DGLUCY: variants seen among roughly 807,000 people sequenced by gnomAD.
DGLUCY encodes the protein D-glutamate cyclase, mitochondrial.
In DGLUCY, 58 loss-of-function variants were observed where a neutral mutation model predicts 58.5. The ratio of observed to expected loss-of-function variants is 0.99; its 90% CI spans 0.80 to 1.23. The LOEUF (loss-of-function observed/expected upper bound fraction) is 1.23. Among genes scored for constraint, DGLUCY ranks in the 50% most tolerant of loss-of-function variants. DGLUCY has a pLI of 0.00. For missense variants in DGLUCY, 779 were observed against 784.7 expected (o/e 0.99, Z 0.09); for synonymous variants, 325 against 314.1 (o/e 1.03, Z -0.37).
rs562478142 is a variant in DGLUCY at position 91,184,718 on chromosome 14, C to T, written c.934+3329C>T. Among the ~76,000 whole-genome samples the T allele has an allele frequency of 4.0e-4, 60 of 151,570 alleles. 1 individual carries two copies. The Middle Eastern group carries it at 0.017, about 43-fold the overall frequency. On this transcript the variant is annotated intron_variant, in intron 8 of 13. Coordinates refer to ENST00000256324, the MANE Select transcript of DGLUCY (RefSeq NM_001102368.3). ...TGATTCTCTCCCCTGGGCCTAGGAGCAAAAGTTGTCTTCCAATGACAGGGG... is the reference window on the plus strand; with the variant it reads ...TGATTCTCTCCCCTGGGCCTAGGAGTAAAAGTTGTCTTCCAATGACAGGGG...
At chr14:91,081,028 C>T (rs1053751130) in intron 1 of DGLUCY, among the ~76,000 whole-genome samples, 1 of 152,236 alleles carries the variant, frequency 6.6e-6, no homozygotes, top group East Asian at 1.9e-4. Flanking sequence ...GTGACGAAAC[C>T]CTGTCTCTAC....
At chr14:91,061,948 G>A (rs1269376426) in intron 1 of DGLUCY, among the ~76,000 whole-genome samples, 1 of 152,200 alleles carries the variant, frequency 6.6e-6, no homozygotes, top group Non-Finnish European at 1.5e-5. Context: ...GAAACTTAAA[G>A]ATGTACAGTT....
In DGLUCY at chr14:91,160,417, TAAAAAAAAAAA is replaced by T. The variant is rs34785372; in HGVS notation, c.103+34_103+44del. The T allele has an allele frequency of 1.9e-5, 11 of 579,466 alleles. No homozygotes were observed. The highest frequency in any genetic ancestry group is 2.8e-5 in the Non-Finnish European group (11 of 393,544). The allele number at this position is 579,466 out of a possible 1,614,324, so 35.9% of individuals were successfully genotyped here. ...CTGGAGGTAAGTGGTGCCAGATAGT[TAAAAAAAAAAA>T]AAAAAAAAAAAAAGAAAGTTCCTGG... On this transcript the variant is annotated intron_variant, in intron 3 of 13. Transcript: ENST00000256324.
At chr14:91,104,358 G>A (rs187955586), upstream of DGLUCY, among the ~76,000 whole-genome samples, 6 of 152,140 alleles carry the variant, frequency 3.9e-5, no homozygotes, top group Non-Finnish European at 5.9e-5. Flanking sequence ...CACCGCGCCC[G>A]GCCGAGAACA....
chr14:91,087,659 T>TA (rs1014667510), intron 1 of DGLUCY, among the ~76,000 whole-genome samples: 3 of 152,164 alleles, frequency 2.0e-5, no homozygotes, highest in East Asian at 1.9e-4. Context: ...TTTGCCTTTT[T>TA]AAAAAAATTC....
At chr14:91,080,748 A>C (rs780734817) in intron 1 of DGLUCY, among the ~76,000 whole-genome samples, 3 of 78,166 alleles carry the variant, frequency 3.8e-5, no homozygotes, top group African/African-American at 1.6e-4. Flanking sequence ...TCAACTATCT[A>C]TATGAAACCA....
chr14:91,087,567 G>A (rs1163370855), intron 1 of DGLUCY, among the ~76,000 whole-genome samples: 1 of 152,198 alleles, frequency 6.6e-6, no homozygotes, highest in East Asian at 1.9e-4. Flanking sequence ...GTCATAGCCT[G>A]TTCCTCTTCC....
At chr14:91,121,847 A>G (rs1436283930) in intron 1 of DGLUCY, among the ~76,000 whole-genome samples, 1 of 152,110 alleles carries the variant, frequency 6.6e-6, no homozygotes. Context: ...ACAGTATAGC[A>G]TGGGGAATTA....
chr14:91,104,172 C>T (rs1366062431), upstream of DGLUCY, among the ~76,000 whole-genome samples: 2 of 147,334 alleles, frequency 1.4e-5, no homozygotes, highest in East Asian at 2.0e-4. Context: ...ACACCATTCT[C>T]CTGCCTCAGC....
At chr14:91,071,148 C>T (rs920313449) in intron 1 of DGLUCY, among the ~76,000 whole-genome samples, 12 of 150,934 alleles carry the variant, frequency 8.0e-5, no homozygotes, top group Non-Finnish European at 1.5e-4. Flanking sequence ...CTGGCAAACA[C>T]GGTGAAACCC....
At chr14:91,096,694 G>A (rs2044400838) in intron 1 of DGLUCY, among the ~76,000 whole-genome samples, 1 of 152,056 alleles carries the variant, frequency 6.6e-6, no homozygotes, top group African/African-American at 2.4e-5. Flanking sequence ...CACCCCCCTG[G>A]CTTGTTCCTC....
chr14:91,119,358 T>C (rs2045209756), intron 1 of DGLUCY, among the ~76,000 whole-genome samples: 1 of 152,088 alleles, frequency 6.6e-6, no homozygotes, highest in South Asian at 2.1e-4. Flanking sequence ...CTTTCACTCA[T>C]ATTCCCTGAC....
upstream of DGLUCY, among the ~76,000 whole-genome samples, chr14:91,107,588 T>C (rs1470283681): frequency 6.6e-6 from 1 of 151,936 alleles, no homozygotes; most frequent in African/African-American, 2.4e-5. Flanking sequence ...TAAGAGTGAG[T>C]GTGAAGAGAT....
At chr14:91,215,847 G>A (rs563542622) in intron 13 of DGLUCY, 1 of 983,200 alleles carries the variant, frequency 1.0e-6, no homozygotes, top group Non-Finnish European at 1.4e-6. Context: ...AAATGGGGGT[G>A]GTCAGCATTG....
rs35639010 is a variant in DGLUCY, at chr14:91,185,271, A to ATTTTTTTTTTT, written c.935-3620_935-3610dup. Among the ~76,000 whole-genome samples, 44 of 38,376 alleles carry ATTTTTTTTTTT rather than the reference A, an allele frequency of 1.1e-3. 7 individuals carry two copies. The highest frequency in any genetic ancestry group is 1.2e-3 in the African/African-American group (13 of 10,464). 25.2% of individuals were successfully genotyped at this position (38,376 alleles called of 152,430 possible). ...GGTGTGAGCCACCGTGCCCAGCCGG[A>ATTTTTTTTTTT]TTTTTTTTTTTTTTTTTTTTTTTTT... is the stretch of plus-strand genomic sequence containing the variant. On this transcript the variant is annotated intron_variant, in intron 8 of 13. Coordinates refer to ENST00000256324, the MANE Select transcript of DGLUCY (RefSeq NM_001102368.3).
chr14:91,128,450 C>T lies in DGLUCY; in HGVS notation c.-82+14167C>T, dbSNP rs150533087. Among the ~76,000 whole-genome samples the T allele has an allele frequency of 4.1e-4, 63 of 152,056 alleles. 1 individual carries two copies. The Middle Eastern group carries it at 0.017, about 41-fold the overall frequency. On this transcript the variant is annotated intron_variant, in intron 1 of 13. Coordinates refer to ENST00000256324, the MANE Select transcript of DGLUCY (RefSeq NM_001102368.3). ...TGGAGGTCACAATGAGCCATGATCA[C>T]ACCACTGCACTCCCACCTGTGTGAC...
chr14:91,089,811 A>G (rs1193613016), intron 1 of DGLUCY, among the ~76,000 whole-genome samples: 6 of 148,944 alleles, frequency 4.0e-5, no homozygotes, highest in Admixed American at 2.0e-4. Flanking sequence ...ACAGAGTGAG[A>G]CTCTGTCTCA....
intron 1 of DGLUCY, among the ~76,000 whole-genome samples, chr14:91,150,078 G>T (rs1350884003): frequency 6.6e-6 from 1 of 151,966 alleles, no homozygotes; most frequent in Non-Finnish European, 1.5e-5. Flanking sequence ...AATTAGCCAG[G>T]CATGGTGGTA....
intron 13 of DGLUCY, among the ~76,000 whole-genome samples, chr14:91,217,411 C>T (rs561908819): frequency 2.3e-4 from 35 of 151,942 alleles, no homozygotes; most frequent in African/African-American, 8.4e-4. Flanking sequence ...CTACAAGTCC[C>T]CTGCCAGTGG....
Sources: gnomAD v4.1 joint callset for allele counts (sites outside exome capture counted in the v4.1 genomes callset) on GRCh38, gnomAD v4.1.1 for gene constraint, MANE v1.5 for transcripts, NCBI Gene and HGNC (gene_info 2026-07-23, HGNC 2026-07-21) for gene names.